Variants in SYNE1 observed in about 807,000 individuals in gnomAD.
SYNE1 encodes nesprin-1.
A neutral mutation model predicts 1,111.0 loss-of-function variants in SYNE1; 616 were observed. The observed-to-expected ratio is 0.55, with a 90% CI of 0.52 to 0.59. The LOEUF (loss-of-function observed/expected upper bound fraction) is 0.59, where lower values mean the gene tolerates loss of function less well. Ranked by LOEUF, SYNE1 falls within the 20% of genes least tolerant of loss-of-function variation. The pLI, the probability that SYNE1 is intolerant of heterozygous loss-of-function variation, is 0.00. For synonymous variants in SYNE1, 3,855 were observed against 3,825.8 expected (o/e 1.01, Z -0.28); for missense variants, 10,006 against 10,417.0 (o/e 0.96, Z 1.72).
At chr6:152,270,207 T>C (rs20531) in intron 98 of SYNE1, among the ~76,000 whole-genome samples, 1 of 152,224 alleles carries the variant, frequency 6.6e-6, no homozygotes, top group Non-Finnish European at 1.5e-5. Flanking sequence ...ACATAATTAA[T>C]AGACTGTACT....
chr6:152,409,479 A>G, intron 43 of SYNE1, 80 bp downstream of exon 43: 1 of 1,551,172 alleles, frequency 6.4e-7, no homozygotes, highest in Non-Finnish European at 8.8e-7. Flanking sequence ...ACTGATAAGA[A>G]TAGTGCAGAT....
At chr6:152,577,016 T>C (rs1291116122) in intron 3 of SYNE1, among the ~76,000 whole-genome samples, 1 of 152,206 alleles carries the variant, frequency 6.6e-6, no homozygotes, top group African/African-American at 2.4e-5. Context: ...ACAATCAAAA[T>C]TGTTCATATG....
At chr6:152,556,512 C>A (rs1176508859) in intron 3 of SYNE1, among the ~76,000 whole-genome samples, 4 of 152,126 alleles carry the variant, frequency 2.6e-5, no homozygotes, top group Non-Finnish European at 4.4e-5. Flanking sequence ...TACAGGATGA[C>A]CCCCATGAAC....
At chr6:152,441,841 G>C (rs1409686243) in intron 31 of SYNE1, among the ~76,000 whole-genome samples, 1 of 152,216 alleles carries the variant, frequency 6.6e-6, no homozygotes, top group Admixed American at 6.5e-5. Context: ...GTGTGATACA[G>C]CACCTAGTCC....
intron 91 of SYNE1, among the ~76,000 whole-genome samples, chr6:152,307,608 C>T (rs1589724373): frequency 6.6e-6 from 1 of 152,242 alleles, no homozygotes; most frequent in African/African-American, 2.4e-5. Flanking sequence ...AGCTCAATCA[C>T]TCAAGGACTA....
At chr6:152,555,830 A>G (rs904069957) in intron 3 of SYNE1, among the ~76,000 whole-genome samples, 5 of 152,198 alleles carry the variant, frequency 3.3e-5, no homozygotes, top group Non-Finnish European at 7.4e-5. Flanking sequence ...AAATATGAGA[A>G]TCTACATCCA....
At chr6:152,459,000 G>C in intron 21 of SYNE1, 70 bp from the exon 22 acceptor site, 1 of 1,337,768 alleles carries the variant, frequency 7.5e-7, no homozygotes, top group Non-Finnish European at 1.1e-6. Flanking sequence ...AACGTTCATA[G>C]CTCTGAGGAA....
intron 34 of SYNE1, 139 bp downstream of exon 34, chr6:152,433,656 T>C (rs570669316): frequency 9.8e-7 from 1 of 1,025,054 alleles, no homozygotes; most frequent in African/African-American, 1.6e-5. Flanking sequence ...CTTAGCTTGA[T>C]AAAATGTATG....
At chr6:152,139,807 TGAG>T (rs1202153433) in intron 140 of SYNE1, 140 bp downstream of exon 140, 3 of 787,430 alleles carry the variant, frequency 3.8e-6, no homozygotes, top group African/African-American at 1.7e-5. Context: ...TGGCTGGAGG[TGAG>T]GAGAGCATTC....
Position 152,323,740 on chromosome 6 carries a change from G to A in SYNE1, c.15658-3C>T, listed in dbSNP as rs544975732. The A allele has an allele frequency of 6.2e-7, 1 of 1,614,078 alleles. No individual in the cohort carries two copies. The highest frequency in any genetic ancestry group is 1.1e-5 in the South Asian group (1 of 91,080). ...ATCATTTCAGTGGCCTTTTTAACCT[G>A]ATGACAAATGTACATACTATGAAGT... is the stretch of plus-strand genomic sequence containing the variant. On this transcript the variant is annotated splice_region_variant and splice_polypyrimidine_tract_variant and intron_variant, in intron 81 of 145. Coordinates refer to ENST00000367255, the MANE Select transcript of SYNE1 (RefSeq NM_182961.4).
chr6:152,625,758 C>T (rs995270177), intron 3 of SYNE1, among the ~76,000 whole-genome samples: 2 of 152,178 alleles, frequency 1.3e-5, no homozygotes, highest in East Asian at 1.9e-4. Context: ...TCCAAAAATC[C>T]GGATAGTTAG....
intron 62 of SYNE1, among the ~76,000 whole-genome samples, chr6:152,366,055 C>T (rs1039460324): frequency 2.6e-5 from 4 of 152,140 alleles, no homozygotes; most frequent in Non-Finnish European, 4.4e-5. Flanking sequence ...TGGTTTTGCC[C>T]GGACGCGGTG....
At chr6:152,252,742 C>T (rs1457315570) in intron 104 of SYNE1, among the ~76,000 whole-genome samples, 2 of 152,158 alleles carry the variant, frequency 1.3e-5, no homozygotes, top group African/African-American at 4.8e-5. Context: ...TAAATTGGAA[C>T]ACAAATATTT....
chr6:152,326,820 C>A (rs1315435761), intron 78 of SYNE1, among the ~76,000 whole-genome samples, 187 bp from the exon 79 acceptor site: 1 of 152,116 alleles, frequency 6.6e-6, no homozygotes, highest in African/African-American at 2.4e-5. Flanking sequence ...TTCTGCTATT[C>A]TTGTTATAAT....
chr6:152,490,210 G>T (rs9383623), intron 11 of SYNE1, among the ~76,000 whole-genome samples: 29,873 of 152,018 alleles, frequency 0.2, 3,120 homozygotes, highest in Middle Eastern at 0.32. Flanking sequence ...TATATGGGAG[G>T]ATATGTGTAG....
chr6:152,216,035 A>G (rs111969588), intron 121 of SYNE1, among the ~76,000 whole-genome samples: 51 of 152,240 alleles, frequency 3.3e-4, no homozygotes, highest in African/African-American at 1.0e-3. Flanking sequence ...GTCGGTTCTG[A>G]TTTTCCCATG....
In SYNE1 at chr6:152,463,526, TA is replaced by T; in HGVS notation, c.1933-10del. On this transcript the variant is annotated splice_polypyrimidine_tract_variant and intron_variant, in intron 18 of 145. Coordinates refer to ENST00000367255, the MANE Select transcript of SYNE1 (RefSeq NM_182961.4). ...AAATTTCGAAAAAAATCCTAAACAA[TA>T]AATAATGCACAATATCATAAACCAT... 6.2e-7 allele frequency: 1 copy of T among 1,606,740 alleles called. No individual in the cohort carries two copies. Among genetic ancestry groups the T allele is most frequent in the Non-Finnish European group, 8.5e-7 (1 of 1,174,124 alleles).
chr6:152,632,323 T>C (rs2099699274), intron 2 of SYNE1, among the ~76,000 whole-genome samples: 1 of 152,202 alleles, frequency 6.6e-6, no homozygotes. Context: ...AAAAAGTGGA[T>C]GCAATATCCT....
intron 3 of SYNE1, among the ~76,000 whole-genome samples, chr6:152,566,764 G>GT (rs1156628742): frequency 3.9e-5 from 6 of 152,160 alleles, no homozygotes; most frequent in African/African-American, 1.2e-4. Flanking sequence ...AACCGCAGTT[G>GT]TAAGAGTGAC....
Sources: allele counts gnomAD v4.1 joint callset (sites outside exome capture counted in the v4.1 genomes callset), GRCh38; gene constraint gnomAD v4.1.1; transcripts MANE v1.5; gene names NCBI Gene and HGNC (gene_info 2026-07-23, HGNC 2026-07-21).